Variants in COL11A1 observed in about 807,000 individuals in gnomAD.
COL11A1 encodes the protein collagen alpha-1(XI) chain.
Under a neutral mutation model 265.2 loss-of-function variants are expected in COL11A1, and 74 were observed. The ratio of observed to expected loss-of-function variants is 0.28; its 90% CI spans 0.23 to 0.34. The LOEUF is 0.34. Ranked by LOEUF, COL11A1 falls within the 10% of genes least tolerant of loss-of-function variation. The pLI, the probability that COL11A1 is intolerant of heterozygous loss-of-function variation, is 1.00. For synonymous variants in COL11A1, 816 were observed against 727.6 expected, an observed-to-expected ratio of 1.12 and a Z score of -1.96; for missense variants, 2,165 against 2,263.6, an observed-to-expected ratio of 0.96 and a Z score of 0.88.
At chr1:103,096,892 GT>G (rs1312624449) in intron 1 of COL11A1, among the ~76,000 whole-genome samples, 3 of 151,994 alleles carry the variant, frequency 2.0e-5, no homozygotes, top group Admixed American at 2.0e-4. Flanking sequence ...GCTAAGTTAT[GT>G]TTTTGTCTTA....
rs137867198 is a variant in COL11A1 at position 102,967,079 on chromosome 1, A to G, written c.2863-1539T>C. On this transcript the variant is annotated intron_variant, in intron 37 of 66. Transcript: ENST00000370096. ...TGTCACGTGAGAAGGTCCCTCAAATACAGCTTCTTCTCTCTTATCCTAGTA... is the reference window on the plus strand; with the variant it reads ...TGTCACGTGAGAAGGTCCCTCAAATGCAGCTTCTTCTCTCTTATCCTAGTA... 4.1e-3 allele frequency among the ~76,000 whole-genome samples: 629 copies of G among 152,182 alleles called. 4 individuals are homozygous for G. Among genetic ancestry groups the G allele is most frequent in the African/African-American group, 0.014 (600 of 41,528 alleles).
intron 1 of COL11A1, among the ~76,000 whole-genome samples, chr1:103,102,234 GA>G (rs148761472): frequency 0.012 from 1,782 of 151,488 alleles, 34 homozygotes; most frequent in African/African-American, 0.041. Flanking sequence ...TTTTAAAATG[GA>G]AAAAAAATAC....
intron 66 of COL11A1, among the ~76,000 whole-genome samples, chr1:102,878,767 C>T (rs910510004): frequency 2.6e-5 from 4 of 151,588 alleles, no homozygotes; most frequent in Admixed American, 2.6e-4. Flanking sequence ...CCATGGCTGC[C>T]CAAAGTTCTG....
intron 4 of COL11A1, among the ~76,000 whole-genome samples, chr1:103,048,095 T>C (rs912345539): frequency 6.6e-6 from 1 of 152,222 alleles, no homozygotes; most frequent in African/African-American, 2.4e-5. Flanking sequence ...CAGGCTTTGG[T>C]ATCAGGATGA....
At chr1:103,035,174 G>C (rs1055302681) in intron 4 of COL11A1, among the ~76,000 whole-genome samples, 5 of 151,940 alleles carry the variant, frequency 3.3e-5, no homozygotes, top group Admixed American at 3.3e-4. Context: ...CTTCTCCTCA[G>C]GTCTTTCCTG....
chr1:102,929,568 A>G (rs1657119353), intron 46 of COL11A1, among the ~76,000 whole-genome samples: 2 of 152,008 alleles, frequency 1.3e-5, no homozygotes, highest in South Asian at 2.1e-4. Flanking sequence ...TTGACTTGGC[A>G]ATGCGGGCTC....
chr1:103,064,455 T>G (rs1670917476), intron 4 of COL11A1, among the ~76,000 whole-genome samples: 2 of 151,804 alleles, frequency 1.3e-5, no homozygotes, highest in African/African-American at 4.8e-5. Context: ...CTTTGGGGGC[T>G]GAGGCGGGTG....
intron 41 of COL11A1, among the ~76,000 whole-genome samples, chr1:102,953,963 A>T (rs1243599670): frequency 6.6e-6 from 1 of 152,212 alleles, no homozygotes; most frequent in Non-Finnish European, 1.5e-5. Context: ...AATGACAATA[A>T]AAACATGTTT....
chr1:102,929,452 T>C (rs1025503953), intron 46 of COL11A1, among the ~76,000 whole-genome samples: 4 of 151,988 alleles, frequency 2.6e-5, no homozygotes, highest in African/African-American at 9.7e-5. Flanking sequence ...TTGATCTATA[T>C]CTCTGTTTTG....
chr1:103,060,175 A>T (rs997554767), intron 4 of COL11A1, among the ~76,000 whole-genome samples: 8 of 152,152 alleles, frequency 5.3e-5, no homozygotes, highest in African/African-American at 1.9e-4. Context: ...ATCAGAAATC[A>T]TACAAGAAAG....
chr1:102,909,090 C>T (rs980087519), intron 54 of COL11A1, among the ~76,000 whole-genome samples: 3 of 152,084 alleles, frequency 2.0e-5, no homozygotes, highest in South Asian at 4.1e-4. Flanking sequence ...TATTCCAAAT[C>T]TTGGCGGTAG....
chr1:102,959,423 T>G (rs919355204), intron 41 of COL11A1, among the ~76,000 whole-genome samples: 2 of 16,714 alleles, frequency 1.2e-4, no homozygotes, highest in East Asian at 0.17. Context: ...AACGATTTTG[T>G]AATCTGCACT....
intron 1 of COL11A1, among the ~76,000 whole-genome samples, chr1:103,104,177 A>G (rs1389767861): frequency 6.6e-6 from 1 of 152,102 alleles, no homozygotes; most frequent in Non-Finnish European, 1.5e-5. Context: ...TGTATTACAC[A>G]GAGACTCTCA....
intron 28 of COL11A1, among the ~76,000 whole-genome samples, chr1:102,995,209 G>T (rs916859756): frequency 2.6e-5 from 4 of 151,900 alleles, no homozygotes; most frequent in African/African-American, 9.7e-5. Flanking sequence ...TTGGGGCTTT[G>T]CAGGCCTGCT....
chr1:103,018,756 A>C (rs756476079), intron 10 of COL11A1, 62 bp downstream of exon 10: 9 of 1,242,060 alleles, frequency 7.2e-6, no homozygotes, highest in Admixed American at 5.3e-5. Context: ...TTCAGTAATT[A>C]ATAGAAATCT....
chr1:102,891,810 G>T, intron 57 of COL11A1, among the ~76,000 whole-genome samples: 1 of 151,884 alleles, frequency 6.6e-6, no homozygotes, highest in East Asian at 1.9e-4. Flanking sequence ...TTGAACCCAT[G>T]AGTTTGAGGC....
chr1:103,004,495 T>C lies in COL11A1; in HGVS notation c.1900-7A>G. On this transcript the variant is annotated splice_polypyrimidine_tract_variant and splice_region_variant and intron_variant, in intron 19 of 66. Transcript: ENST00000370096. ...CAATTTCTCCATCTTCTCCCTGTCATTGACAAAATGAATGAGAGTATAGAA... is the reference window on the plus strand; with the variant it reads ...CAATTTCTCCATCTTCTCCCTGTCACTGACAAAATGAATGAGAGTATAGAA... The C allele has an allele frequency of 6.2e-7, 1 of 1,611,412 alleles. No individual in the cohort carries two copies. The highest frequency in any genetic ancestry group is 8.5e-7 in the Non-Finnish European group (1 of 1,178,136).
rs1265960631 is a variant in COL11A1 at position 102,943,480 on chromosome 1, C to A, written c.3277-3046G>T. 1.1e-4 allele frequency among the ~76,000 whole-genome samples: 7 copies of A among 65,704 alleles called. No homozygotes were observed. In the East Asian group the frequency reaches 2.9e-3, roughly 27 times the overall value. 43.1% of individuals were successfully genotyped at this position (65,704 alleles called of 152,430 possible). On this transcript the variant is annotated intron_variant, in intron 42 of 66. Transcript: ENST00000370096. Reference sequence around the variant, plus strand: ...ACACACACACACACACACACACACACACACAAACAACCTCATGGACTATTT... The same window carrying A: ...ACACACACACACACACACACACACAAACACAAACAACCTCATGGACTATTT...
At chr1:102,936,779 G>A (rs1032358374) in intron 44 of COL11A1, among the ~76,000 whole-genome samples, 2 of 152,038 alleles carry the variant, frequency 1.3e-5, no homozygotes, top group Non-Finnish European at 2.9e-5. Flanking sequence ...AGCACAAAAA[G>A]CTCACTGTTT....
Sources: allele counts gnomAD v4.1 joint callset (sites outside exome capture counted in the v4.1 genomes callset), GRCh38; gene constraint gnomAD v4.1.1; transcripts MANE v1.5; gene names NCBI Gene and HGNC (gene_info 2026-07-23, HGNC 2026-07-21).